TRIQK: variants seen among roughly 807,000 people sequenced by gnomAD.
TRIQK encodes triple QxxK/R motif-containing protein.
In TRIQK, 10 loss-of-function variants were observed where a neutral mutation model predicts 10.8. The ratio of observed to expected loss-of-function variants is 0.92; its 90% CI spans 0.57 to 1.57. TRIQK has a LOEUF of 1.57. Among genes scored for constraint, TRIQK ranks in the 40% most tolerant of loss-of-function variants. The pLI, the probability that TRIQK is intolerant of heterozygous loss-of-function variation, is 0.00. For missense variants in TRIQK, 107 were observed against 97.7 expected, an observed-to-expected ratio of 1.09 and a Z score of -0.40; for synonymous variants, 33 against 33.7, an observed-to-expected ratio of 0.98 and a Z score of 0.07.
chr8:92,918,009 T>C (rs1017283539), intron 2 of TRIQK, among the ~76,000 whole-genome samples: 2 of 152,028 alleles, frequency 1.3e-5, no homozygotes, highest in Non-Finnish European at 2.9e-5. Flanking sequence ...TTATTTCTCT[T>C]AACATAATGA....
intron 1 of TRIQK, among the ~76,000 whole-genome samples, chr8:92,975,181 AT>A (rs918009804): frequency 6.6e-6 from 1 of 152,190 alleles, no homozygotes; most frequent in Non-Finnish European, 1.5e-5. Flanking sequence ...CCAGGGTTTG[AT>A]TTTGGTCCCA....
At chr8:92,962,492 C>T (rs550173423) in intron 1 of TRIQK, among the ~76,000 whole-genome samples, 23 of 152,288 alleles carry the variant, frequency 1.5e-4, no homozygotes, top group African/African-American at 5.3e-4. Flanking sequence ...CAATATTTAT[C>T]ATCTCTGAAC....
At chr8:92,978,837 G>GA (rs753137246) in intron 1 of TRIQK, among the ~76,000 whole-genome samples, 4 of 152,108 alleles carry the variant, frequency 2.6e-5, no homozygotes, top group Non-Finnish European at 5.9e-5. Flanking sequence ...CTCTGGTTGT[G>GA]AAAAGCACTG....
intron 1 of TRIQK, among the ~76,000 whole-genome samples, chr8:92,954,887 T>A (rs1313399095): frequency 6.6e-6 from 1 of 151,942 alleles, no homozygotes; most frequent in Non-Finnish European, 1.5e-5. Flanking sequence ...CTTCCACTGT[T>A]TTCTAAAGTC....
intron 3 of TRIQK, among the ~76,000 whole-genome samples, chr8:92,896,363 G>A (rs941770202): frequency 6.6e-6 from 1 of 152,226 alleles, no homozygotes; most frequent in African/African-American, 2.4e-5. Flanking sequence ...GACTTCAAAA[G>A]ATGTTCTGGA....
intron 3 of TRIQK, among the ~76,000 whole-genome samples, chr8:92,901,537 A>G (rs1458271783): frequency 6.6e-6 from 1 of 152,112 alleles, no homozygotes. Flanking sequence ...TATTGATATG[A>G]TGTATCACAT....
chr8:93,010,625 G>A lies in TRIQK; in HGVS notation c.-181+6984C>T, dbSNP rs192069682. Reference sequence around the variant, plus strand: ...ATACTTTTATAAGAATAAAACCTTTGTAATTCTAGTTTCGCATCCATTTAG... The same window carrying A: ...ATACTTTTATAAGAATAAAACCTTTATAATTCTAGTTTCGCATCCATTTAG... On this transcript the variant is annotated intron_variant, in intron 1 of 4. Transcript: ENST00000520686. Among the ~76,000 whole-genome samples, 26 of 152,040 alleles carry A rather than the reference G, an allele frequency of 1.7e-4. No homozygotes were observed. The East Asian group carries it at 4.8e-3, about 28-fold the overall frequency.
At chr8:92,947,047 G>A (rs1811576166) in intron 2 of TRIQK, among the ~76,000 whole-genome samples, 1 of 151,768 alleles carries the variant, frequency 6.6e-6, no homozygotes, top group Non-Finnish European at 1.5e-5. Context: ...TTACAGGCGT[G>A]AGCCACTGCG....
chr8:92,949,790 GAAAGAAAGAAAGAAA>G (rs1811770550), intron 2 of TRIQK, among the ~76,000 whole-genome samples: 1 of 21,332 alleles, frequency 4.7e-5, no homozygotes. Flanking sequence ...GAAAAAGAAA[GAAAGAAAGAAAGAAA>G]GAAAGAAAGA....
chr8:92,934,819 A>G (rs1018493192), intron 2 of TRIQK, among the ~76,000 whole-genome samples: 1 of 151,902 alleles, frequency 6.6e-6, no homozygotes, highest in Non-Finnish European at 1.5e-5. Context: ...TACAATAAAG[A>G]TTTTTGAGCT....
chr8:92,997,700 GAATC>G (rs1226330046), intron 1 of TRIQK, among the ~76,000 whole-genome samples: 6 of 152,156 alleles, frequency 3.9e-5, no homozygotes, highest in East Asian at 1.9e-4. Flanking sequence ...TTTGTTGCAT[GAATC>G]AATCAATGAA....
At chr8:92,902,254 G>A (rs967037793) in intron 3 of TRIQK, among the ~76,000 whole-genome samples, 1 of 151,948 alleles carries the variant, frequency 6.6e-6, no homozygotes, top group African/African-American at 2.4e-5. Flanking sequence ...ACTCAGGTTC[G>A]TACCACCAGG....
At chr8:92,928,977 T>C (rs1201140239) in intron 2 of TRIQK, among the ~76,000 whole-genome samples, 3 of 152,186 alleles carry the variant, frequency 2.0e-5, no homozygotes, top group African/African-American at 4.8e-5. Context: ...GATAAATCAA[T>C]GCAACAAGTA....
At chr8:93,000,300 A>G (rs1391063981) in intron 1 of TRIQK, among the ~76,000 whole-genome samples, 1 of 152,186 alleles carries the variant, frequency 6.6e-6, no homozygotes, top group African/African-American at 2.4e-5. Context: ...ATTTACAAAG[A>G]AAAAGAGCTT....
At chr8:92,926,538 T>G (rs1810458002) in intron 2 of TRIQK, among the ~76,000 whole-genome samples, 1 of 152,118 alleles carries the variant, frequency 6.6e-6, no homozygotes, top group Non-Finnish European at 1.5e-5. Context: ...GATGAAAATT[T>G]GAGTTGGTCT....
At chr8:92,937,695 AT>A (rs1176803250) in intron 2 of TRIQK, among the ~76,000 whole-genome samples, 1 of 151,506 alleles carries the variant, frequency 6.6e-6, no homozygotes, top group Non-Finnish European at 1.5e-5. Context: ...AGTTACTAGA[AT>A]TTATAATACA....
intron 1 of TRIQK, among the ~76,000 whole-genome samples, chr8:93,011,179 TACACACAC>T (rs553408139): frequency 0.012 from 1,669 of 138,778 alleles, 34 homozygotes; most frequent in African/African-American, 0.041. Flanking sequence ...TACACATACA[TACACACAC>T]ACACACACAC....
At chr8:92,918,922 C>T (rs1364647019) in intron 2 of TRIQK, among the ~76,000 whole-genome samples, 1 of 151,742 alleles carries the variant, frequency 6.6e-6, no homozygotes, top group Non-Finnish European at 1.5e-5. Flanking sequence ...AGAGAATCTA[C>T]TTTCATTCTT....
intron 2 of TRIQK, among the ~76,000 whole-genome samples, chr8:92,918,074 A>C (rs1586421241): frequency 6.6e-6 from 1 of 151,996 alleles, no homozygotes; most frequent in Non-Finnish European, 1.5e-5. Flanking sequence ...ATAAGGCTGA[A>C]TAATATTCCA....
Sources: allele counts gnomAD v4.1 joint callset (sites outside exome capture counted in the v4.1 genomes callset), GRCh38; gene constraint gnomAD v4.1.1; transcripts MANE v1.5; gene names NCBI Gene and HGNC (gene_info 2026-07-23, HGNC 2026-07-21).